The following ZNG1A variants were observed in gnomAD, a reference collection of about 807,000 sequenced individuals.
The protein encoded by ZNG1A is zinc-regulated GTPase metalloprotein activator 1A.
chr9:140,474 A>G, the ZNG1A span, among the ~76,000 whole-genome samples: 6 of 151,590 alleles, frequency 4.0e-5, no homozygotes, highest in African/African-American at 1.2e-4. Context: ...AAGGAAAACT[A>G]ACAAACAGAA....
At chr9:127,677 T>G in the ZNG1A span, among the ~76,000 whole-genome samples, 6 of 151,976 alleles carry the variant, frequency 3.9e-5, no homozygotes, top group African/African-American at 1.2e-4. Context: ...CCATTTATAT[T>G]CAATGTTAGT....
chr9:143,525 G>C, the ZNG1A span, among the ~76,000 whole-genome samples: 1 of 116,318 alleles, frequency 8.6e-6, no homozygotes, highest in Non-Finnish European at 1.7e-5. Flanking sequence ...CAATAAATTA[G>C]GTATTGATGG....
chr9:163,753 C>T, the ZNG1A span, among the ~76,000 whole-genome samples: 6 of 151,552 alleles, frequency 4.0e-5, no homozygotes, highest in Admixed American at 3.9e-4. Context: ...CCCGTCTCTA[C>T]TAAAAATCCA....
the ZNG1A span, chr9:172,437 A>G: frequency 8.6e-6 from 3 of 348,334 alleles, no homozygotes; most frequent in African/African-American, 2.1e-5. Context: ...TTATCTGACC[A>G]AGTATCTTTT....
the ZNG1A span, among the ~76,000 whole-genome samples, chr9:139,463 G>C: frequency 1.3e-5 from 2 of 150,584 alleles, no homozygotes; most frequent in East Asian, 2.0e-4. Context: ...CCTATAGTTA[G>C]CAATACTGTA....
At chr9:177,874 A>G in the ZNG1A span, 1 of 1,463,850 alleles carries the variant, frequency 6.8e-7, no homozygotes, top group Non-Finnish European at 9.2e-7. Flanking sequence ...CCGAGCAAAA[A>G]ACGGGAATAA....
chr9:143,195 G>A, the ZNG1A span, among the ~76,000 whole-genome samples: 1 of 148,974 alleles, frequency 6.7e-6, no homozygotes, highest in African/African-American at 2.5e-5. Flanking sequence ...CTCATTTGAT[G>A]AGGCCAGCAT....
the ZNG1A span, chr9:121,452 G>C: frequency 1.3e-5 from 21 of 1,608,008 alleles, no homozygotes; most frequent in Non-Finnish European, 1.8e-5. Context: ...CTTTTGATAA[G>C]AAATGCCTCT....
chr9:145,403 A>G, the ZNG1A span, among the ~76,000 whole-genome samples: 1 of 151,388 alleles, frequency 6.6e-6, no homozygotes, highest in African/African-American at 2.4e-5. Context: ...TTGTAGGGAC[A>G]TGGATGAAAT....
the ZNG1A span, among the ~76,000 whole-genome samples, chr9:155,119 G>C: frequency 6.6e-6 from 1 of 151,374 alleles, no homozygotes; most frequent in African/African-American, 2.4e-5. Context: ...CAATCAAAAG[G>C]ATGATTTTAA....
the ZNG1A span, among the ~76,000 whole-genome samples, chr9:140,289 G>T: frequency 5.9e-5 from 9 of 151,982 alleles, no homozygotes; most frequent in African/African-American, 1.9e-4. Flanking sequence ...GAGAGCAGTG[G>T]TTCTCCCAGC....
At chr9:173,419 A>T in the ZNG1A span, 22 of 1,606,018 alleles carry the variant, frequency 1.4e-5, no homozygotes, top group Admixed American at 3.3e-5. Context: ...AGCCAAAAAA[A>T]AACAAAGATG....
the ZNG1A span, chr9:156,336 A>T: frequency 8.7e-7 from 1 of 1,148,116 alleles, no homozygotes; most frequent in Non-Finnish European, 1.2e-6. Context: ...ATAAATAGAT[A>T]GCAATAATTC....
chr9:154,290 A>G, the ZNG1A span: 1 of 229,100 alleles, frequency 4.4e-6, no homozygotes, highest in Non-Finnish European at 8.4e-6. Context: ...AATAAATTAA[A>G]AAAAAAAAAA....
the ZNG1A span, among the ~76,000 whole-genome samples, chr9:169,770 A>C: frequency 2.6e-5 from 4 of 151,008 alleles, no homozygotes; most frequent in African/African-American, 9.8e-5. Flanking sequence ...ATTTTTTAGC[A>C]ATAAATATTT....
chr9:150,204 G>A, the ZNG1A span: 1 of 104,786 alleles, frequency 9.5e-6, no homozygotes, highest in Non-Finnish European at 1.8e-5. Context: ...TCAGCTCACT[G>A]CAAGCTCCGC....
chr9:166,631 T>C, the ZNG1A span: 1 of 152,508 alleles, frequency 6.6e-6, no homozygotes, highest in South Asian at 2.1e-4. Context: ...TTGAAAACAA[T>C]ACAACCTTAT....
the ZNG1A span, chr9:149,563 C>T: frequency 6.6e-6 from 1 of 150,426 alleles, no homozygotes; most frequent in Non-Finnish European, 1.5e-5. Flanking sequence ...TATTATAGAA[C>T]TCTGTGCTTT....
the ZNG1A span, among the ~76,000 whole-genome samples, chr9:145,704 A>T: frequency 6.6e-6 from 1 of 151,832 alleles, no homozygotes; most frequent in African/African-American, 2.4e-5. Flanking sequence ...ATAATAATAA[A>T]TAAATAAATT....
Sources: gnomAD v4.1 joint callset for allele counts (sites outside exome capture counted in the v4.1 genomes callset) on GRCh38, gnomAD v4.1.1 for gene constraint, MANE v1.5 for transcripts, NCBI Gene and HGNC (gene_info 2026-07-23, HGNC 2026-07-21) for gene names.